Variants in CDK11A observed in about 807,000 individuals in gnomAD.
CDK11A encodes the protein cyclin dependent kinase 11A.
In CDK11A, 55 loss-of-function variants were observed where a neutral mutation model predicts 83.6. The observed-to-expected ratio is 0.66, with a 90% CI of 0.53 to 0.82. The LOEUF (loss-of-function observed/expected upper bound fraction) is 0.82, where lower values mean the gene tolerates loss of function less well. CDK11A is among the 40% of genes least tolerant of loss of function. The pLI is 0.00. For synonymous variants in CDK11A, 247 were observed against 302.7 expected (o/e 0.82, Z 1.91); for missense variants, 564 against 810.1 (o/e 0.70, Z 3.69).
rs1038316206 is a variant in CDK11A at position 1,717,889 on chromosome 1, GCTCT to G, written c.356-1415_356-1412del. On this transcript the variant is annotated intron_variant, in intron 4 of 19. Coordinates refer to ENST00000404249, the MANE Select transcript of CDK11A (RefSeq NM_024011.4). ...ACACGCATGCTTTCAGCTAGAGTTT[GCTCT>G]CTCTGGTTTTCAGTCTGTGACACAT... 1.3e-5 allele frequency among the ~76,000 whole-genome samples: 2 copies of G among 148,914 alleles called. 1 individual carries two copies. Among genetic ancestry groups the G allele is most frequent in the African/African-American group, 5.0e-5 (2 of 40,166 alleles).
At chr1:1,703,746 A>G in intron 17 of CDK11A, 78 bp downstream of exon 17, 1 of 1,572,984 alleles carries the variant, frequency 6.4e-7, no homozygotes, top group Non-Finnish European at 8.6e-7. Context: ...ATCTCAACCC[A>G]GCACCTGTGC....
At position 1,705,850 on chromosome 1, in the gene CDK11A, T is replaced by G. The variant is rs1644286450; in HGVS notation, c.1246-118A>C. ...CAGGTGCAGGGCAGAGCCTTGGGAC[T>G]GGGCCGGGGGTGGAGCTGGGAGCAG... On this transcript the variant is annotated intron_variant, in intron 11 of 19. Coordinates refer to ENST00000404249, the MANE Select transcript of CDK11A (RefSeq NM_024011.4). The G allele has an allele frequency of 1.2e-5, 5 of 424,662 alleles. 1 individual carries two copies. The highest frequency in any genetic ancestry group is 7.3e-5 in the Admixed American group (2 of 27,292). The allele number at this position is 424,662 out of a possible 1,614,324, so 26.3% of individuals were successfully genotyped here. A position where few individuals can be genotyped will look rare whatever the true frequency, so the allele number is the denominator to read the frequency against.
Position 1,716,259 on chromosome 1 carries a change from T to C in CDK11A, c.488+87A>G, listed in dbSNP as rs928704697. ...TACCACTTCTGCAACAAATGTGACT[T>C]CTATTGCCAAATTCTTCTTCATTGC... On this transcript the variant is annotated intron_variant, in intron 5 of 19. Coordinates refer to ENST00000404249, the MANE Select transcript of CDK11A (RefSeq NM_024011.4). 43 of 1,466,794 alleles carry C rather than the reference T, an allele frequency of 2.9e-5. 1 individual carries two copies. Among genetic ancestry groups the C allele is most frequent in the Non-Finnish European group, 3.9e-5 (41 of 1,064,160 alleles). The allele number at this position is 1,466,794 out of a possible 1,614,324, so 90.9% of individuals were successfully genotyped here.
chr1:1,719,945 A>G (rs1452979738), intron 3 of CDK11A, among the ~76,000 whole-genome samples: 1 of 150,032 alleles, frequency 6.7e-6, no homozygotes, highest in Non-Finnish European at 1.5e-5. Flanking sequence ...TGAAAAATGT[A>G]AGAAATCAAT....
rs543477396 is a variant in CDK11A at position 1,713,903 on chromosome 1, C to T, written c.489-1503G>A. Among the ~76,000 whole-genome samples, 2 of 41,734 alleles carry T rather than the reference C, an allele frequency of 4.8e-5. 1 individual carries two copies. Among genetic ancestry groups the T allele is most frequent in the South Asian group, 1.1e-3 (2 of 1,840 alleles). The allele number at this position is 41,734 out of a possible 152,430, so 27.4% of individuals were successfully genotyped here. On this transcript the variant is annotated intron_variant, in intron 5 of 19. Coordinates refer to ENST00000404249, the MANE Select transcript of CDK11A (RefSeq NM_024011.4). ...TCTCTGCTTCTCAGGGAATGTCGTT[C>T]GTTCCCTTTCACTTGTGTAGAACAG... is the stretch of plus-strand genomic sequence containing the variant.
chr1:1,721,484 G>A lies in CDK11A; in HGVS notation c.227+112C>T, dbSNP rs1013074319. 85 of 1,260,730 alleles carry A rather than the reference G, an allele frequency of 6.7e-5. 2 individuals carry two copies. The highest frequency in any genetic ancestry group is 2.7e-4 in the South Asian group (19 of 69,794). The allele number at this position is 1,260,730 out of a possible 1,614,324, so 78.1% of individuals were successfully genotyped here. On this transcript the variant is annotated intron_variant, in intron 3 of 19. Coordinates refer to ENST00000404249, the MANE Select transcript of CDK11A (RefSeq NM_024011.4). ...GCCCTGTCACGGTAACTCTAGGAAA[G>A]AGTAAACCTTAATAGTTACAATAGC... is the stretch of plus-strand genomic sequence containing the variant.
chr1:1,704,118 T>C lies in CDK11A; in HGVS notation c.1715A>G (p.Tyr572Cys). The change falls in exon 16 of 20, where the codon TAC becomes TGC. Residue 572 changes from tyrosine (Y) to cysteine (C), a missense_variant. Physicochemically the swap from Tyr to Cys is radical, Grantham distance 194. Transcript: ENST00000404249. ...GGTGTAGGCCTTCAGAGGGGATCCG[T>C]ACTCCCGCGCCAGCCCAAAATCACC... ...KVGDFGLARE[Y>C]GSPLKAYTPV... 1 of 1,603,544 alleles carries C rather than the reference T, an allele frequency of 6.2e-7. No individual in the cohort carries two copies. The highest frequency in any genetic ancestry group is 1.1e-5 in the South Asian group (1 of 90,042).
chr1:1,722,687 A>G, intron 2 of CDK11A, 21 bp downstream of exon 2: 1 of 1,556,352 alleles, frequency 6.4e-7, no homozygotes, highest in South Asian at 1.1e-5. Context: ...AAAACCACTT[A>G]CTTAAAAAAA....
At chr1:1,721,834 G>C (rs1448229195) in intron 2 of CDK11A, 123 bp from the exon 3 acceptor site, 1 of 1,322,468 alleles carries the variant, frequency 7.6e-7, no homozygotes, top group African/African-American at 1.5e-5. Context: ...CATGTACTCT[G>C]AATGAGCCAG....
At position 1,716,415 on chromosome 1, in the gene CDK11A, T is replaced by C. The variant is rs1328970747; in HGVS notation, c.419A>G (p.Asp140Gly). Residue 140 changes from aspartate to glycine, a missense_variant, in exon 5 of 20, where the codon GAT becomes GGT. Physicochemically the swap from Asp to Gly is moderately conservative, Grantham distance 94. Transcript: ENST00000404249. ...ERRKRHREEQ[D>G]KARREWERQK... is the part of the protein sequence containing the mutation. ...TCTTTCCCATTCCCGGCGAGCTTTATCCTGTTCTTCTCGATGTCGTTTCCG... is the reference window on the plus strand; with the variant it reads ...TCTTTCCCATTCCCGGCGAGCTTTACCCTGTTCTTCTCGATGTCGTTTCCG... 6 of 1,608,762 alleles carry C rather than the reference T, an allele frequency of 3.7e-6. 1 individual carries two copies. Among genetic ancestry groups the C allele is most frequent in the Non-Finnish European group, 5.1e-6 (6 of 1,176,248 alleles).
chr1:1,703,398 A>G, intron 18 of CDK11A, 78 bp downstream of exon 18: 1 of 1,225,890 alleles, frequency 8.2e-7, no homozygotes, highest in Admixed American at 2.4e-5. Context: ...GAACGTGGTG[A>G]GCCAGCAGGT....
At chr1:1,719,555 G>T in intron 3 of CDK11A, 100 bp from the exon 4 acceptor site, 4 of 881,326 alleles carry the variant, frequency 4.5e-6, no homozygotes, top group Admixed American at 3.4e-5. Context: ...GCATGATTCA[G>T]ATAGGAACGA....
intron 14 of CDK11A, 89 bp from the exon 15 acceptor site, chr1:1,704,433 C>T (rs1644226234): frequency 6.4e-7 from 1 of 1,554,306 alleles, no homozygotes. Flanking sequence ...GCAACAGAGG[C>T]TTCTCAGGGC....
At chr1:1,721,785 G>C in intron 2 of CDK11A, 74 bp from the exon 3 acceptor site, 1 of 1,415,632 alleles carries the variant, frequency 7.1e-7, no homozygotes, top group Non-Finnish European at 9.6e-7. Context: ...TATTTTTAAT[G>C]ATAATCAAAC....
At chr1:1,721,766 A>C (rs1347294094) in intron 2 of CDK11A, 55 bp from the exon 3 acceptor site, 2 of 1,449,134 alleles carry the variant, frequency 1.4e-6, no homozygotes, top group Non-Finnish European at 1.9e-6. Context: ...TTTTCTTCAT[A>C]GATAAAAGTA....
Position 1,716,356 on chromosome 1 carries a change from T to A in CDK11A, c.478A>T (p.Arg160Trp), listed in dbSNP as rs755670050. The A allele has an allele frequency of 6.2e-7, 1 of 1,609,168 alleles. No individual in the cohort carries two copies. The highest frequency in any genetic ancestry group is 8.5e-7 in the Non-Finnish European group (1 of 1,176,728). Residue 160 changes from arginine (R) to tryptophan (W), a missense_variant, in exon 5 of 20, where the codon AGG becomes TGG. Physicochemically the swap from Arg to Trp is moderately radical, Grantham distance 101. This residue lies in a region of CDK11A where 151 missense variants were observed against 147.4 expected (regional missense o/e 1.02). Transcript: ENST00000404249. ...ACCCAGCCCACTCACCTTTCTCTCC[T>A]GGAATGCTCCCTTGCCATTTCCCTT... ...KRREMAREHS[R>W]RERDRLEQLE... is the part of the protein sequence containing the mutation.
chr1:1,703,978 C>T (rs548275977), intron 16 of CDK11A, 38 bp from the exon 17 acceptor site: 1 of 1,607,614 alleles, frequency 6.2e-7, no homozygotes, highest in Non-Finnish European at 8.5e-7. Context: ...AGGCCAGTGC[C>T]CGCGAAGCTG....
chr1:1,708,516 C>T (rs1379387000), intron 9 of CDK11A, among the ~76,000 whole-genome samples: 1 of 122,380 alleles, frequency 8.2e-6, no homozygotes, highest in Admixed American at 8.2e-5. Flanking sequence ...TGGCGCACAC[C>T]TGTACTCCCA....
chr1:1,722,469 G>T (rs1283717800), intron 2 of CDK11A: 8 of 657,246 alleles, frequency 1.2e-5, no homozygotes, highest in Non-Finnish European at 2.1e-5. Context: ...GTCCAGTTTT[G>T]CTAATGACTT....
Sources: gnomAD v4.1 joint callset for allele counts (sites outside exome capture counted in the v4.1 genomes callset) on GRCh38, gnomAD v4.1.1 for gene constraint, gnomAD v4.1.1 regional missense constraint, MANE v1.5 for transcripts, NCBI Gene and HGNC (gene_info 2026-07-23, HGNC 2026-07-21) for gene names.